LARS2: variants seen among roughly 807,000 people sequenced by gnomAD.
LARS2 encodes the protein leucine--tRNA ligase, mitochondrial.
In LARS2, 81 loss-of-function variants were observed where a neutral mutation model predicts 116.6. That is an observed-to-expected ratio of 0.69 (90% CI 0.58 to 0.84). LARS2 has a LOEUF of 0.84. Ranked by LOEUF, LARS2 falls within the 40% of genes least tolerant of loss-of-function variation. LARS2 has a pLI of 0.00. For synonymous variants in LARS2, 396 were observed against 407.2 expected, an observed-to-expected ratio of 0.97 and a Z score of 0.33; for missense variants, 968 against 1,114.5, an observed-to-expected ratio of 0.87 and a Z score of 1.87.
At chr3:45,537,702 CT>C (rs1700728332) in intron 20 of LARS2, among the ~76,000 whole-genome samples, 1 of 152,196 alleles carries the variant, frequency 6.6e-6, no homozygotes, top group African/African-American at 2.4e-5. Context: ...CTCTTCCCCC[CT>C]GGTGTGTCTA....
At chr3:45,421,037 ATC>A (rs1357109096) in intron 6 of LARS2, 1 of 152,188 alleles carries the variant, frequency 6.6e-6, no homozygotes. Flanking sequence ...ATATTTTTAT[ATC>A]TCATTAACTA....
intron 11 of LARS2, 83 bp downstream of exon 11, chr3:45,485,879 A>G: frequency 1.3e-6 from 1 of 745,722 alleles, no homozygotes. Flanking sequence ...GTCATCTGGA[A>G]GAGCTGACTA....
intron 7 of LARS2, among the ~76,000 whole-genome samples, chr3:45,458,158 G>T (rs1699244695): frequency 6.6e-6 from 1 of 151,952 alleles, no homozygotes; most frequent in Non-Finnish European, 1.5e-5. Flanking sequence ...TATTCTGCTT[G>T]CTAAAATTTT....
rs912690815 is a variant in LARS2 at position 45,434,754 on chromosome 3, A to G, written c.517-12137A>G. On this transcript the variant is annotated intron_variant, in intron 6 of 21. Transcript: ENST00000645846. ...GCTATGGCAGGTGAAAGGGGCCACT[A>G]TCTCTTTACTTCCAGGTGGATATGG... Among the ~76,000 whole-genome samples, 8 of 152,172 alleles carry G rather than the reference A, an allele frequency of 5.3e-5. No individual in the cohort carries two copies. The South Asian group carries it at 1.0e-3, about 20-fold the overall frequency.
intron 20 of LARS2, among the ~76,000 whole-genome samples, chr3:45,532,716 A>G (rs1459842870): frequency 1.3e-5 from 2 of 152,060 alleles, no homozygotes; most frequent in Non-Finnish European, 2.9e-5. Context: ...ACCTCAGCTC[A>G]CTGCAACTTC....
chr3:45,497,138 A>G (rs1415839853), intron 14 of LARS2, among the ~76,000 whole-genome samples: 1 of 151,326 alleles, frequency 6.6e-6, no homozygotes, highest in African/African-American at 2.4e-5. Flanking sequence ...TTTTTTTTTC[A>G]ATAATTGCTG....
chr3:45,490,876 T>C (rs1287535924), intron 12 of LARS2, among the ~76,000 whole-genome samples: 1 of 152,240 alleles, frequency 6.6e-6, no homozygotes, highest in Non-Finnish European at 1.5e-5. Context: ...TTTGTACTGT[T>C]AGTGGTCTGT....
chr3:45,476,666 T>C (rs754034270), intron 10 of LARS2, 39 bp downstream of exon 10: 4 of 1,603,878 alleles, frequency 2.5e-6, no homozygotes, highest in Admixed American at 1.7e-5. Context: ...GTAGGATTGC[T>C]ACCTTACATT....
intron 4 of LARS2, among the ~76,000 whole-genome samples, chr3:45,402,057 T>A (rs763755785): frequency 6.6e-6 from 1 of 152,220 alleles, no homozygotes; most frequent in Non-Finnish European, 1.5e-5. Flanking sequence ...TGAACCAAAC[T>A]GCCAGGATTC....
intron 8 of LARS2, among the ~76,000 whole-genome samples, chr3:45,464,702 T>C (rs1699393146): frequency 1.3e-5 from 2 of 152,194 alleles, no homozygotes; most frequent in African/African-American, 4.8e-5. Context: ...GTGTGCATAC[T>C]GCGCCTTCTA....
rs768754342 is a variant in LARS2, at chr3:45,474,305, C to A, written c.813C>A (p.His271Gln). 2 of 1,612,002 alleles carry A rather than the reference C, an allele frequency of 1.2e-6. No homozygotes were observed. The highest frequency in any genetic ancestry group is 1.7e-6 in the Non-Finnish European group (2 of 1,178,496). Residue 271 changes from histidine (H) to glutamine (Q), a missense_variant, in exon 9 of 22, where the codon CAC (histidine) becomes CAA (glutamine). Transcript: ENST00000645846. ...ATGGAATAAAAGGCATGCAAGCCCA[C>A]TGGATTGGGGACTGTGTGGGCTGCC... ...EWYGIKGMQA[H>Q]WIGDCVGCHL... is the part of the protein sequence containing the mutation.
At chr3:45,430,269 G>T (rs1247632226) in intron 6 of LARS2, among the ~76,000 whole-genome samples, 1 of 128,428 alleles carries the variant, frequency 7.8e-6, no homozygotes, top group Non-Finnish European at 1.6e-5. Flanking sequence ...ACCGCACCCG[G>T]CCATTTTTTT....
At chr3:45,545,960 G>GAAAA (rs1168781892) in intron 21 of LARS2, among the ~76,000 whole-genome samples, 4 of 127,966 alleles carry the variant, frequency 3.1e-5, no homozygotes, top group African/African-American at 8.7e-5. Flanking sequence ...TGTCCTTAAG[G>GAAAA]AAAAAAAAAA....
chr3:45,530,289 G>A (rs1056029066), intron 20 of LARS2, among the ~76,000 whole-genome samples: 1 of 152,172 alleles, frequency 6.6e-6, no homozygotes, highest in Non-Finnish European at 1.5e-5. Flanking sequence ...ATGGGAGGCC[G>A]AGGCGGGCGG....
At chr3:45,541,722 T>C in intron 20 of LARS2, 107 bp from the exon 21 acceptor site, 1 of 1,437,344 alleles carries the variant, frequency 7.0e-7, no homozygotes, top group Non-Finnish European at 9.4e-7. Flanking sequence ...CACCGGCTCC[T>C]CACACAGCTC....
At chr3:45,537,702 C>T (rs562195392) in intron 20 of LARS2, among the ~76,000 whole-genome samples, 1 of 152,314 alleles carries the variant, frequency 6.6e-6, no homozygotes. Context: ...CTCTTCCCCC[C>T]TGGTGTGTCT....
At position 45,517,998 on chromosome 3, in the gene LARS2, C is replaced by T. The variant is rs750021523; in HGVS notation, c.2140C>T (p.Pro714Ser). Reference protein sequence around the residue: ...EARASGKSPQPQLLSNKEKAE... With the variant: ...EARASGKSPQSQLLSNKEKAE... The stretch of plus-strand genomic sequence containing the variant: ...CAGGGCTTCTGGGAAGTCTCCCCAG[C>T]CTCAGCTGCTGAGTAACAAGGAGAA... Residue 714 changes from proline to serine, a missense_variant, in exon 18 of 22, where the codon CCT becomes TCT. Transcript: ENST00000645846. 40 of 1,613,816 alleles carry T rather than the reference C, an allele frequency of 2.5e-5. No homozygotes were observed. Among genetic ancestry groups the T allele is most frequent in the Non-Finnish European group, 3.1e-5 (36 of 1,179,714 alleles).
intron 16 of LARS2, among the ~76,000 whole-genome samples, chr3:45,514,207 A>AG (rs1700336840): frequency 1.3e-5 from 2 of 149,678 alleles, no homozygotes; most frequent in Admixed American, 6.7e-5. Context: ...CTCTGTCTCA[A>AG]AAAAAAAAAA....
chr3:45,544,640 A>G (rs1700849665), intron 21 of LARS2, among the ~76,000 whole-genome samples: 1 of 152,182 alleles, frequency 6.6e-6, no homozygotes, highest in African/African-American at 2.4e-5. Flanking sequence ...ACCCTATCTT[A>G]CAGGCAAGGA....
Sources: gnomAD v4.1 joint callset for allele counts (sites outside exome capture counted in the v4.1 genomes callset) on GRCh38, gnomAD v4.1.1 for gene constraint, MANE v1.5 for transcripts, NCBI Gene and HGNC (gene_info 2026-07-23, HGNC 2026-07-21) for gene names.